Variants in NELL1 observed in about 807,000 individuals in gnomAD.
The protein encoded by NELL1 is protein kinase C-binding protein NELL1.
In NELL1, 76 loss-of-function variants were observed where a neutral mutation model predicts 107.4. The observed-to-expected ratio is 0.71, with a 90% CI of 0.59 to 0.86. NELL1 has a LOEUF of 0.86. Among genes scored for constraint, NELL1 ranks in the 40% least tolerant of loss-of-function variants. The pLI is 0.00. For synonymous variants in NELL1, 353 were observed against 341.2 expected, an observed-to-expected ratio of 1.03 and a Z score of -0.38; for missense variants, 1,024 against 1,005.5, an observed-to-expected ratio of 1.02 and a Z score of -0.25.
At chr11:21,508,577 T>C (rs1855356464) in intron 15 of NELL1, among the ~76,000 whole-genome samples, 2 of 152,156 alleles carry the variant, frequency 1.3e-5, no homozygotes, top group African/African-American at 4.8e-5. Flanking sequence ...GTTCAATATA[T>C]GTTATTTAAA....
chr11:20,904,180 C>T (rs745485224), intron 5 of NELL1, among the ~76,000 whole-genome samples: 3 of 150,932 alleles, frequency 2.0e-5, no homozygotes, highest in Non-Finnish European at 4.4e-5. Context: ...GCACAATGTG[C>T]ACATGTACCC....
chr11:21,224,282 G>A (rs150431782), intron 13 of NELL1, among the ~76,000 whole-genome samples: 40 of 151,922 alleles, frequency 2.6e-4, no homozygotes, highest in African/African-American at 7.2e-4. Context: ...TCTGTCTATC[G>A]CCCAAGCTGG....
At chr11:20,762,660 C>T (rs919869194) in intron 2 of NELL1, among the ~76,000 whole-genome samples, 2 of 152,132 alleles carry the variant, frequency 1.3e-5, no homozygotes, top group East Asian at 3.9e-4. Flanking sequence ...TGAATAAGAG[C>T]GTAATTAAGG....
At chr11:21,275,703 T>C (rs1281126970) in intron 14 of NELL1, among the ~76,000 whole-genome samples, 1 of 152,208 alleles carries the variant, frequency 6.6e-6, no homozygotes, top group East Asian at 1.9e-4. Context: ...TTATTCAATA[T>C]GATCAAGTGG....
At chr11:21,064,985 A>G (rs541979871) in intron 12 of NELL1, among the ~76,000 whole-genome samples, 7 of 152,266 alleles carry the variant, frequency 4.6e-5, no homozygotes, top group African/African-American at 1.7e-4. Context: ...ACAATTTGTA[A>G]TTTTTAACAA....
intron 3 of NELL1, among the ~76,000 whole-genome samples, chr11:20,797,248 G>A (rs537319404): frequency 5.8e-4 from 89 of 152,240 alleles, no homozygotes; most frequent in African/African-American, 2.0e-3. Flanking sequence ...GGCATGGAGG[G>A]GGCAAAATTG....
In NELL1 at chr11:21,408,256, A is replaced by G. The variant is rs192500376; in HGVS notation, c.1645+37308A>G. 6.5e-3 allele frequency among the ~76,000 whole-genome samples: 985 copies of G among 152,130 alleles called. 8 individuals carry two copies. The highest frequency in any genetic ancestry group is 9.6e-3 in the Non-Finnish European group (650 of 67,948). ...TTCTCATTATAGTAGCTCCCATCTC[A>G]TAGGAGCTTCTAACTACTCCCACTC... On this transcript the variant is annotated intron_variant, in intron 15 of 19. Transcript: ENST00000357134.
chr11:21,517,542 C>T (rs751380474), intron 15 of NELL1, among the ~76,000 whole-genome samples: 1 of 152,106 alleles, frequency 6.6e-6, no homozygotes. Flanking sequence ...CTGTAATCTT[C>T]GGAATGTATG....
intron 15 of NELL1, among the ~76,000 whole-genome samples, chr11:21,469,005 T>TG (rs1854103995): frequency 1.3e-5 from 2 of 151,972 alleles, no homozygotes; most frequent in South Asian, 2.1e-4. Flanking sequence ...TTTTGTTTGT[T>TG]TTTTGTTTTG....
intron 15 of NELL1, among the ~76,000 whole-genome samples, chr11:21,472,013 G>T (rs1025137032): frequency 4.6e-5 from 7 of 152,042 alleles, no homozygotes; most frequent in Admixed American, 3.9e-4. Flanking sequence ...AGATCATGAA[G>T]TTCAATTGAG....
chr11:20,714,297 A>G (rs972935992), intron 2 of NELL1, among the ~76,000 whole-genome samples: 2 of 131,608 alleles, frequency 1.5e-5, no homozygotes, highest in Admixed American at 9.7e-5. Context: ...TCTACCTCCC[A>G]GGCTCAAGCA....
At chr11:20,834,553 A>T (rs1848494259) in intron 3 of NELL1, among the ~76,000 whole-genome samples, 1 of 152,078 alleles carries the variant, frequency 6.6e-6, no homozygotes, top group African/African-American at 2.4e-5. Flanking sequence ...ATACAAAAAA[A>T]TTAGCTGGGT....
In NELL1 at chr11:21,049,763, C is replaced by T. The variant is rs577309859; in HGVS notation, c.1301-63826C>T. Reference sequence around the variant, plus strand: ...CATCATCTCAGCTCCCTGCAACCTCCATCTCCCAGGTTCAAGCGATTCTCC... The same window carrying T: ...CATCATCTCAGCTCCCTGCAACCTCTATCTCCCAGGTTCAAGCGATTCTCC... On this transcript the variant is annotated intron_variant, in intron 12 of 19. Transcript: ENST00000357134. Among the ~76,000 whole-genome samples the T allele has an allele frequency of 2.6e-5, 4 of 152,112 alleles. No homozygotes were observed. In the South Asian group the frequency reaches 8.3e-4, roughly 32 times the overall value.
chr11:21,013,925 A>G (rs1024513152), intron 12 of NELL1, among the ~76,000 whole-genome samples: 1 of 151,890 alleles, frequency 6.6e-6, no homozygotes, highest in African/African-American at 2.4e-5. Flanking sequence ...CTGGTCAGGT[A>G]TTTTTTTAGA....
intron 13 of NELL1, chr11:21,169,841 A>G (rs1456138280): frequency 1.4e-6 from 2 of 1,418,246 alleles, no homozygotes; most frequent in African/African-American, 1.4e-5. Context: ...AAGTGCTTGC[A>G]CCCCAGAGTC....
At chr11:20,900,475 A>G (rs1010631805) in intron 5 of NELL1, among the ~76,000 whole-genome samples, 3 of 152,150 alleles carry the variant, frequency 2.0e-5, no homozygotes, top group Non-Finnish European at 4.4e-5. Flanking sequence ...CTGGCAGTCT[A>G]CCATGTCCCT....
chr11:20,672,743 C>G (rs1240057336), intron 1 of NELL1, among the ~76,000 whole-genome samples: 3 of 152,130 alleles, frequency 2.0e-5, no homozygotes, highest in Non-Finnish European at 4.4e-5. Context: ...ACATTGCTTT[C>G]CAGTTTGTTT....
At chr11:21,061,129 G>A (rs1914247) in intron 12 of NELL1, among the ~76,000 whole-genome samples, 39,841 of 152,068 alleles carry the variant, frequency 0.26, 5,469 homozygotes, top group South Asian at 0.4. Context: ...TCTTCCTACT[G>A]TGCATTAACC....
intron 12 of NELL1, among the ~76,000 whole-genome samples, chr11:20,965,656 AT>A (rs1410799459): frequency 6.6e-6 from 1 of 152,210 alleles, no homozygotes; most frequent in Admixed American, 6.5e-5. Flanking sequence ...GAATTTAGTA[AT>A]TTCATGTAAC....
Sources: gnomAD v4.1 joint callset for allele counts (sites outside exome capture counted in the v4.1 genomes callset) on GRCh38, gnomAD v4.1.1 for gene constraint, MANE v1.5 for transcripts, NCBI Gene and HGNC (gene_info 2026-07-23, HGNC 2026-07-21) for gene names.